Variants in SKAP2 observed in about 807,000 individuals in gnomAD.
SKAP2 encodes the protein src kinase associated phosphoprotein 2, also known as src kinase-associated phosphoprotein 2.
Under a neutral mutation model 54.9 loss-of-function variants are expected in SKAP2, and 28 were observed. The observed-to-expected ratio is 0.51, with a 90% CI of 0.38 to 0.70. The LOEUF (loss-of-function observed/expected upper bound fraction) is 0.70, where lower values mean the gene tolerates loss of function less well. SKAP2 is among the 30% of genes least tolerant of loss of function. SKAP2 has a pLI of 0.00. For synonymous variants in SKAP2, 137 were observed against 134.3 expected, an observed-to-expected ratio of 1.02 and a Z score of -0.14; for missense variants, 356 against 424.1, an observed-to-expected ratio of 0.84 and a Z score of 1.41.
chr7:26,805,559 T>C (rs914600043), intron 4 of SKAP2, among the ~76,000 whole-genome samples: 1 of 152,020 alleles, frequency 6.6e-6, no homozygotes, highest in African/African-American at 2.4e-5. Flanking sequence ...AGCTACAAAG[T>C]CATGAGGGCA....
At chr7:26,756,952 G>C (rs948956857) in intron 4 of SKAP2, among the ~76,000 whole-genome samples, 6 of 152,164 alleles carry the variant, frequency 3.9e-5, no homozygotes, top group African/African-American at 1.4e-4. Context: ...ATTTTTTCAC[G>C]TGTGTGCTGG....
chr7:26,665,825 C>A (rs1327840921), downstream of SKAP2, among the ~76,000 whole-genome samples: 1 of 151,944 alleles, frequency 6.6e-6, no homozygotes, highest in Non-Finnish European at 1.5e-5. Context: ...TCTCTTGTTC[C>A]CAATCCAGAG....
chr7:26,823,047 CA>C (rs1784413234), intron 4 of SKAP2, among the ~76,000 whole-genome samples: 1 of 152,084 alleles, frequency 6.6e-6, no homozygotes, highest in Non-Finnish European at 1.5e-5. Context: ...CCTCTTGTGC[CA>C]AACAGCCAAG....
At chr7:26,777,919 C>T (rs923637021) in intron 4 of SKAP2, among the ~76,000 whole-genome samples, 5 of 151,666 alleles carry the variant, frequency 3.3e-5, no homozygotes, top group African/African-American at 7.3e-5. Context: ...CAACTCAACA[C>T]CTATAAATGA....
chr7:26,731,136 C>G (rs1433647101), intron 6 of SKAP2, among the ~76,000 whole-genome samples: 2 of 152,128 alleles, frequency 1.3e-5, no homozygotes, highest in Admixed American at 1.3e-4. Flanking sequence ...AGGTGTTTCT[C>G]AAAGTATATT....
At chr7:26,705,205 A>T (rs951213885) in intron 9 of SKAP2, among the ~76,000 whole-genome samples, 3 of 152,204 alleles carry the variant, frequency 2.0e-5, no homozygotes, top group South Asian at 2.1e-4. Context: ...GATTTTTTTT[A>T]AAGTTAAATA....
chr7:26,776,220 G>A (rs1165083440), intron 4 of SKAP2, among the ~76,000 whole-genome samples: 1 of 151,918 alleles, frequency 6.6e-6, no homozygotes, highest in Non-Finnish European at 1.5e-5. Context: ...GTCCTTAATG[G>A]TGAAATCCTC....
intron 4 of SKAP2, among the ~76,000 whole-genome samples, chr7:26,779,695 G>A (rs1380507356): frequency 6.6e-6 from 1 of 151,986 alleles, no homozygotes; most frequent in Non-Finnish European, 1.5e-5. Context: ...TTTGGTCAGG[G>A]AGGTAACATA....
chr7:26,657,443 AT>A, the SKAP2 span, among the ~76,000 whole-genome samples: 124 of 152,352 alleles, frequency 8.1e-4, no homozygotes, highest in East Asian at 0.021. Context: ...TCATTATAGC[AT>A]CATTCCCCTC....
At chr7:26,753,446 G>A (rs1584369696) in intron 4 of SKAP2, among the ~76,000 whole-genome samples, 1 of 152,080 alleles carries the variant, frequency 6.6e-6, no homozygotes, top group Admixed American at 6.5e-5. Flanking sequence ...CTAAGCTAAC[G>A]TTCACTGCAA....
At chr7:26,675,529 C>T (rs1786331889) in intron 11 of SKAP2, among the ~76,000 whole-genome samples, 2 of 152,162 alleles carry the variant, frequency 1.3e-5, no homozygotes, top group South Asian at 4.1e-4. Flanking sequence ...GAAGGACTTA[C>T]ACTTAATCTG....
intron 4 of SKAP2, among the ~76,000 whole-genome samples, chr7:26,796,414 T>C (rs1238311320): frequency 1.3e-5 from 2 of 152,254 alleles, no homozygotes; most frequent in African/African-American, 4.8e-5. Context: ...AAGTGATCTC[T>C]TGTGGGTCTC....
chr7:26,792,832 A>C (rs1384196216), intron 4 of SKAP2, among the ~76,000 whole-genome samples: 1 of 152,194 alleles, frequency 6.6e-6, no homozygotes, highest in African/African-American at 2.4e-5. Context: ...ATCTTTTACA[A>C]GGCAGACAGA....
chr7:26,660,354 A>G, the SKAP2 span, among the ~76,000 whole-genome samples: 1 of 152,118 alleles, frequency 6.6e-6, no homozygotes, highest in Non-Finnish European at 1.5e-5. Flanking sequence ...TTCTAGCATG[A>G]AACGGGTCCA....
intron 4 of SKAP2, among the ~76,000 whole-genome samples, chr7:26,787,398 C>G (rs1284849841): frequency 1.3e-5 from 2 of 151,998 alleles, no homozygotes; most frequent in African/African-American, 2.4e-5. Context: ...TCTTGGCTCA[C>G]TGCAACCTCT....
chr7:26,831,562 A>G, intron 4 of SKAP2, among the ~76,000 whole-genome samples: 2 of 152,146 alleles, frequency 1.3e-5, no homozygotes, highest in East Asian at 3.9e-4. Context: ...AACAATAGTA[A>G]CTCACATTTA....
chr7:26,678,492 G>A (rs963015638), intron 11 of SKAP2, among the ~76,000 whole-genome samples: 2 of 149,378 alleles, frequency 1.3e-5, no homozygotes, highest in African/African-American at 5.0e-5. Flanking sequence ...CCAGGCTGGA[G>A]TGCAGTGGTA....
intron 4 of SKAP2, among the ~76,000 whole-genome samples, chr7:26,832,813 A>G (rs950914538): frequency 1.3e-5 from 2 of 152,146 alleles, no homozygotes; most frequent in Admixed American, 6.6e-5. Flanking sequence ...ACCAAGGAGA[A>G]TAAGTGCTAG....
intron 4 of SKAP2, among the ~76,000 whole-genome samples, chr7:26,803,259 A>T (rs1783953071): frequency 6.6e-6 from 1 of 152,240 alleles, no homozygotes; most frequent in Non-Finnish European, 1.5e-5. Context: ...TAAGGAGCTC[A>T]AACAAGTCTA....
Sources: gnomAD v4.1 joint callset for allele counts (sites outside exome capture counted in the v4.1 genomes callset) on GRCh38, gnomAD v4.1.1 for gene constraint, MANE v1.5 for transcripts, NCBI Gene and HGNC (gene_info 2026-07-23, HGNC 2026-07-21) for gene names.